Variants in CHMP2B observed in about 807,000 individuals in gnomAD.
CHMP2B encodes charged multivesicular body protein 2B.
A neutral mutation model predicts 29.8 loss-of-function variants in CHMP2B; 22 were observed. That is an observed-to-expected ratio of 0.74 (90% CI 0.53 to 1.05). CHMP2B has a LOEUF of 1.05. Ranked by LOEUF, CHMP2B falls within the 50% of genes least tolerant of loss-of-function variation. CHMP2B has a pLI of 0.00. For synonymous variants in CHMP2B, 78 were observed against 75.8 expected (o/e 1.03, Z -0.15); for missense variants, 261 against 252.2 (o/e 1.03, Z -0.24).
chr3:87,242,365 G>A (rs1044579056), intron 2 of CHMP2B, among the ~76,000 whole-genome samples: 2 of 151,796 alleles, frequency 1.3e-5, no homozygotes, highest in Non-Finnish European at 2.9e-5. Flanking sequence ...ACGTCAATTA[G>A]GTCAAATTGG....
intron 1 of CHMP2B, among the ~76,000 whole-genome samples, chr3:87,230,797 G>A (rs1239160198): frequency 1.3e-5 from 2 of 152,120 alleles, no homozygotes; most frequent in African/African-American, 4.8e-5. Context: ...GCAATGAGAT[G>A]TTGCTTAGAT....
At chr3:87,241,454 C>T (rs192191774) in intron 2 of CHMP2B, among the ~76,000 whole-genome samples, 3 of 152,214 alleles carry the variant, frequency 2.0e-5, no homozygotes, top group Admixed American at 2.0e-4. Context: ...GGAAATCCCT[C>T]CTACGCATCC....
chr3:87,240,414 G>A (rs560652090), intron 1 of CHMP2B: 30 of 292,166 alleles, frequency 1.0e-4, no homozygotes, highest in Admixed American at 4.3e-4. Flanking sequence ...AGATTCAAGC[G>A]ATTCTTCTAC....
intron 1 of CHMP2B, among the ~76,000 whole-genome samples, chr3:87,229,034 A>T (rs1290832902): frequency 6.6e-6 from 1 of 152,048 alleles, no homozygotes; most frequent in Non-Finnish European, 1.5e-5. Context: ...TACTAAATGG[A>T]GAAAAAATGG....
intron 1 of CHMP2B, chr3:87,240,429 G>T (rs570267159): frequency 6.1e-6 from 2 of 329,590 alleles, no homozygotes; most frequent in Admixed American, 7.9e-5. Flanking sequence ...TTCTACCTCA[G>T]CCTACCGAGT....
rs550468260 is a variant in CHMP2B at position 87,254,064 on chromosome 3, T to C, written c.*242T>C. The C allele has an allele frequency of 3.0e-5, 12 of 399,878 alleles. No individual in the cohort carries two copies. The highest frequency in any genetic ancestry group is 2.9e-4 in the South Asian group (11 of 38,068). The allele number at this position is 399,878 out of a possible 1,614,324, so 24.8% of individuals were successfully genotyped here. ...TTTAGGAGTGATGATGTGTAAAAAGTTGACTTCTCTTTTGCATGGCACAGA... is the reference window on the plus strand; with the variant it reads ...TTTAGGAGTGATGATGTGTAAAAAGCTGACTTCTCTTTTGCATGGCACAGA... On this transcript the variant is annotated 3_prime_UTR_variant, in exon 6 of 6. Transcript: ENST00000263780.
intron 1 of CHMP2B, among the ~76,000 whole-genome samples, chr3:87,231,188 A>G (rs772009778): frequency 5.3e-5 from 8 of 152,102 alleles, no homozygotes; most frequent in Non-Finnish European, 1.0e-4. Flanking sequence ...CAGGCCAGAT[A>G]TCCAACAATT....
chr3:87,240,159 T>C (rs984916771), intron 1 of CHMP2B, among the ~76,000 whole-genome samples: 2 of 152,132 alleles, frequency 1.3e-5, no homozygotes, highest in African/African-American at 4.8e-5. Flanking sequence ...TTTGGTTAAA[T>C]CTCAGACTGT....
intron 3 of CHMP2B, among the ~76,000 whole-genome samples, chr3:87,247,700 G>A (rs1706239788): frequency 6.6e-6 from 1 of 152,124 alleles, no homozygotes; most frequent in Non-Finnish European, 1.5e-5. Context: ...CTACAAATAA[G>A]GAGTATTAAC....
chr3:87,245,629 G>T, intron 2 of CHMP2B, 85 bp from the exon 3 acceptor site: 1 of 1,079,090 alleles, frequency 9.3e-7, no homozygotes, highest in East Asian at 2.5e-5. Flanking sequence ...GGTCTGTTAT[G>T]TGTATTAGAT....
chr3:87,250,136 A>G (rs1559610594), intron 4 of CHMP2B, among the ~76,000 whole-genome samples, 159 bp downstream of exon 4: 1 of 151,966 alleles, frequency 6.6e-6, no homozygotes, highest in Non-Finnish European at 1.5e-5. Flanking sequence ...GAAGGTATAA[A>G]CTATGTTATG....
Position 87,253,739 on chromosome 3 carries a change from A to C in CHMP2B, c.559A>C (p.Ser187Arg), listed in dbSNP as rs771113721. ...GGCCAAAGCTCCATCAGCTGCTCGAAGCTTACCATCTGCCTCTACTTCAAA... is the reference window on the plus strand; with the variant it reads ...GGCCAAAGCTCCATCAGCTGCTCGACGCTTACCATCTGCCTCTACTTCAAA... Reference protein sequence around the residue: ...KMAKAPSAARSLPSASTSKAT... With the variant: ...KMAKAPSAARRLPSASTSKAT... Residue 187 changes from serine to arginine, a missense_variant, in exon 6 of 6, where the codon AGC becomes CGC. Ser to Arg is a moderately radical substitution (Grantham distance 110). Coordinates refer to ENST00000263780, the MANE Select transcript of CHMP2B (RefSeq NM_014043.4). 4 of 1,612,558 alleles carry C rather than the reference A, an allele frequency of 2.5e-6. No individual in the cohort carries two copies. Among genetic ancestry groups the C allele is most frequent in the Non-Finnish European group, 3.4e-6 (4 of 1,178,854 alleles).
intron 1 of CHMP2B, among the ~76,000 whole-genome samples, chr3:87,240,084 A>G (rs1300756168): frequency 6.6e-6 from 1 of 151,710 alleles, no homozygotes; most frequent in Non-Finnish European, 1.5e-5. Flanking sequence ...TGACATATAT[A>G]TGTGCTATAT....
chr3:87,236,578 A>G (rs1416050417), intron 1 of CHMP2B, among the ~76,000 whole-genome samples: 2 of 152,046 alleles, frequency 1.3e-5, no homozygotes, highest in Non-Finnish European at 2.9e-5. Context: ...ACCACCGAGC[A>G]TGGTGGCTCA....
chr3:87,247,430 A>AT (rs1357570658), intron 3 of CHMP2B, among the ~76,000 whole-genome samples: 2 of 152,304 alleles, frequency 1.3e-5, no homozygotes, highest in South Asian at 2.1e-4. Context: ...CTTGGGGATC[A>AT]TTTTTTATCA....
intron 3 of CHMP2B, among the ~76,000 whole-genome samples, chr3:87,248,398 C>T (rs1042793330): frequency 2.6e-5 from 4 of 151,608 alleles, no homozygotes; most frequent in African/African-American, 9.7e-5. Context: ...CGCTCTGTTG[C>T]CCAGGCTGGA....
chr3:87,242,356 C>A (rs917109439), intron 2 of CHMP2B, among the ~76,000 whole-genome samples: 2 of 151,864 alleles, frequency 1.3e-5, no homozygotes, highest in African/African-American at 4.8e-5. Flanking sequence ...TTCTTACAAA[C>A]GTCAATTAGG....
chr3:87,227,632 C>T, intron 1 of CHMP2B, 76 bp downstream of exon 1: 1 of 1,575,180 alleles, frequency 6.3e-7, no homozygotes, highest in Non-Finnish European at 8.7e-7. Context: ...GGCCGCGATT[C>T]TGCCTACTGT....
At chr3:87,236,400 T>C (rs1706011405) in intron 1 of CHMP2B, among the ~76,000 whole-genome samples, 1 of 152,144 alleles carries the variant, frequency 6.6e-6, no homozygotes, top group South Asian at 2.1e-4. Flanking sequence ...TTTATATTTT[T>C]AATATCACCC....
Sources: gnomAD v4.1 joint callset for allele counts (sites outside exome capture counted in the v4.1 genomes callset) on GRCh38, gnomAD v4.1.1 for gene constraint, MANE v1.5 for transcripts, NCBI Gene and HGNC (gene_info 2026-07-23, HGNC 2026-07-21) for gene names.